KLHL1: variants seen among roughly 807,000 people sequenced by gnomAD.
The protein encoded by KLHL1 is kelch like family member 1.
Under a neutral mutation model 77.7 loss-of-function variants are expected in KLHL1, and 47 were observed. The ratio of observed to expected loss-of-function variants is 0.60; its 90% CI spans 0.48 to 0.77. The LOEUF (loss-of-function observed/expected upper bound fraction) is 0.77, where lower values mean the gene tolerates loss of function less well. Among genes scored for constraint, KLHL1 ranks in the 30% least tolerant of loss-of-function variants. KLHL1 has a pLI of 0.00. For missense variants in KLHL1, 925 were observed against 910.8 expected (o/e 1.02, Z -0.20); for synonymous variants, 360 against 325.2 (o/e 1.11, Z -1.15).
chr13:69,866,744 A>G (rs919452766), intron 5 of KLHL1, among the ~76,000 whole-genome samples: 1 of 152,142 alleles, frequency 6.6e-6, no homozygotes, highest in Non-Finnish European at 1.5e-5. Context: ...CCTTCAAATA[A>G]TATTTGCCCA....
intron 4 of KLHL1, among the ~76,000 whole-genome samples, chr13:69,920,037 A>C (rs1882582019): frequency 6.6e-6 from 1 of 152,126 alleles, no homozygotes; most frequent in South Asian, 2.1e-4. Flanking sequence ...GGTCTTTTTC[A>C]TTTGGCCTAA....
intron 7 of KLHL1, among the ~76,000 whole-genome samples, chr13:69,740,821 C>A (rs1264276998): frequency 1.3e-5 from 2 of 151,984 alleles, no homozygotes; most frequent in Non-Finnish European, 2.9e-5. Context: ...TTGAATCATT[C>A]CATTAAAGTG....
intron 6 of KLHL1, among the ~76,000 whole-genome samples, chr13:69,816,945 G>A (rs768246796): frequency 3.3e-5 from 5 of 151,712 alleles, no homozygotes; most frequent in Admixed American, 6.6e-5. Context: ...GCAACAAAGC[G>A]AGACTCCATC....
intron 10 of KLHL1, among the ~76,000 whole-genome samples, chr13:69,707,404 G>T (rs1434355677): frequency 6.6e-6 from 1 of 151,860 alleles, no homozygotes; most frequent in East Asian, 1.9e-4. Flanking sequence ...TATTAAGTAT[G>T]TATGTCACTT....
chr13:69,789,790 G>T (rs1876774271), intron 7 of KLHL1, among the ~76,000 whole-genome samples: 1 of 152,076 alleles, frequency 6.6e-6, no homozygotes, highest in South Asian at 2.1e-4. Context: ...TCCAACAAGA[G>T]ACTTTAAATC....
chr13:70,068,298 G>A (rs184407148), intron 1 of KLHL1, among the ~76,000 whole-genome samples: 20 of 152,000 alleles, frequency 1.3e-4, no homozygotes, highest in African/African-American at 4.6e-4. Flanking sequence ...CCGAGATCGC[G>A]CCACTGCACT....
chr13:69,702,996 A>C (rs1187832545), intron 10 of KLHL1, among the ~76,000 whole-genome samples: 2 of 151,628 alleles, frequency 1.3e-5, no homozygotes, highest in East Asian at 3.9e-4. Context: ...ATGCAAACCT[A>C]AGTTTACCTG....
intron 4 of KLHL1, chr13:69,894,148 G>A (rs1881542955): frequency 6.6e-6 from 1 of 152,436 alleles, no homozygotes; most frequent in African/African-American, 2.4e-5. Context: ...TGAAGTCATT[G>A]TGTTACTTTT....
chr13:69,864,297 ATAT>A (rs1379081425), intron 5 of KLHL1, among the ~76,000 whole-genome samples: 5 of 151,944 alleles, frequency 3.3e-5, no homozygotes, highest in African/African-American at 1.2e-4. Context: ...TTAAATTAAA[ATAT>A]TATAAGAAAA....
intron 6 of KLHL1, among the ~76,000 whole-genome samples, chr13:69,801,744 A>G (rs1593845139): frequency 6.6e-6 from 1 of 152,252 alleles, no homozygotes; most frequent in South Asian, 2.1e-4. Context: ...TATAAACTTG[A>G]TAATTTATTA....
intron 7 of KLHL1, among the ~76,000 whole-genome samples, chr13:69,748,308 G>A (rs1874308874): frequency 6.6e-6 from 1 of 151,974 alleles, no homozygotes; most frequent in African/African-American, 2.4e-5. Flanking sequence ...AGAAAAAGAG[G>A]TTTAATTTGA....
chr13:69,950,717 T>C (rs1263928547), intron 3 of KLHL1, among the ~76,000 whole-genome samples: 4 of 151,800 alleles, frequency 2.6e-5, no homozygotes, highest in Admixed American at 2.0e-4. Context: ...GTAGAACATA[T>C]ACTCTTGAAT....
chr13:69,759,861 GC>G (rs1874938419), intron 7 of KLHL1, among the ~76,000 whole-genome samples: 2 of 152,128 alleles, frequency 1.3e-5, no homozygotes, highest in African/African-American at 4.8e-5. Context: ...AGACAAGATT[GC>G]CAGGCAAAGC....
intron 6 of KLHL1, among the ~76,000 whole-genome samples, chr13:69,797,394 A>G (rs1251264481): frequency 3.9e-5 from 6 of 152,238 alleles, no homozygotes. Flanking sequence ...TTAATTCAAT[A>G]AAATATTACC....
In KLHL1 at chr13:69,899,657, A is replaced by G. The variant is rs1881786935; in HGVS notation, c.1015-17162T>C. 2.0e-5 allele frequency among the ~76,000 whole-genome samples: 3 copies of G among 152,282 alleles called. No individual in the cohort carries two copies. In the South Asian group the frequency reaches 6.2e-4, roughly 32 times the overall value. ...GAGACGGCCTTAGTTAGGAACATAC[A>G]CGGCTTTCTAGGCACTGGCAAATAG... On this transcript the variant is annotated intron_variant, in intron 4 of 10. Coordinates refer to ENST00000377844, the MANE Select transcript of KLHL1 (RefSeq NM_020866.3).
chr13:69,719,345 G>A (rs981797334), intron 9 of KLHL1, 24 bp downstream of exon 9: 1 of 1,599,838 alleles, frequency 6.3e-7, no homozygotes, highest in African/African-American at 1.3e-5. Context: ...CTCTTTCGCT[G>A]TAACAGTGTC....
chr13:70,068,372 A>AC (rs1887064151), intron 1 of KLHL1, among the ~76,000 whole-genome samples: 1 of 140,346 alleles, frequency 7.1e-6, no homozygotes, highest in Non-Finnish European at 1.5e-5. Flanking sequence ...AACAAAAACA[A>AC]AAAAAAAGGA....
chr13:69,989,174 A>G (rs1259634355), intron 1 of KLHL1, among the ~76,000 whole-genome samples: 2 of 152,054 alleles, frequency 1.3e-5, no homozygotes, highest in East Asian at 3.9e-4. Flanking sequence ...ACTTTTCTAC[A>G]TGTAGCTATC....
At chr13:70,020,331 T>G (rs771598462) in intron 1 of KLHL1, among the ~76,000 whole-genome samples, 2 of 152,156 alleles carry the variant, frequency 1.3e-5, no homozygotes, top group African/African-American at 2.4e-5. Flanking sequence ...GCTCAAAGAA[T>G]TACCTATGTA....
Sources: allele counts gnomAD v4.1 joint callset (sites outside exome capture counted in the v4.1 genomes callset), GRCh38; gene constraint gnomAD v4.1.1; transcripts MANE v1.5; gene names NCBI Gene and HGNC (gene_info 2026-07-23, HGNC 2026-07-21).